Variants in DTHD1 observed in about 807,000 individuals in gnomAD.
DTHD1 encodes death domain containing 1.
Under a neutral mutation model 74.8 loss-of-function variants are expected in DTHD1, and 59 were observed. The observed-to-expected ratio is 0.79, with a 90% CI of 0.64 to 0.98. The LOEUF is 0.98. DTHD1 is among the 50% of genes least tolerant of loss of function. DTHD1 has a pLI of 0.00. For synonymous variants in DTHD1, 365 were observed against 371.1 expected (o/e 0.98, Z 0.19); for missense variants, 1,051 against 1,065.4 (o/e 0.99, Z 0.19).
rs397992934 is a variant in DTHD1, at chr4:36,318,612, CT to C, written c.2340+2146del. ...CTTCTGTGCATTTTCTTTTTCTTTT[CT>C]TTTTTTTTTTTTTTTTTTTGAGACG... On this transcript the variant is annotated intron_variant, in intron 8 of 9. Coordinates refer to ENST00000639862, the MANE Select transcript of DTHD1 (RefSeq NM_001170700.3). 7.7e-3 allele frequency among the ~76,000 whole-genome samples: 866 copies of C among 111,780 alleles called. 1 individual carries two copies. Among genetic ancestry groups the C allele is most frequent in the Middle Eastern group, 0.022 (4 of 184 alleles). 73.3% of individuals were successfully genotyped at this position (111,780 alleles called of 152,430 possible). A position where few individuals can be genotyped will look rare whatever the true frequency, so the allele number is the denominator to read the frequency against.
At chr4:36,327,242 C>A (rs566683479) in intron 8 of DTHD1, among the ~76,000 whole-genome samples, 1 of 152,166 alleles carries the variant, frequency 6.6e-6, no homozygotes, top group Non-Finnish European at 1.5e-5. Context: ...GCGGGGATTA[C>A]AGGTGTGAGC....
chr4:36,308,585 C>G, intron 7 of DTHD1, 92 bp downstream of exon 7: 2 of 1,048,338 alleles, frequency 1.9e-6, no homozygotes, highest in Non-Finnish European at 2.7e-6. Flanking sequence ...CTAAGGAAAC[C>G]TTCAGAGGAT....
intron 8 of DTHD1, among the ~76,000 whole-genome samples, chr4:36,321,819 T>A (rs1399101215): frequency 6.6e-6 from 1 of 152,146 alleles, no homozygotes; most frequent in African/African-American, 2.4e-5. Context: ...AGGCTCTGTG[T>A]GAACTTGGCC....
At chr4:36,308,084 G>A (rs58952219) in intron 6 of DTHD1, 120 bp from the exon 7 acceptor site, 1 of 995,472 alleles carries the variant, frequency 1.0e-6, no homozygotes, top group Admixed American at 2.9e-5. Context: ...TTGTCTTTGA[G>A]AATACTTGAT....
At chr4:36,306,416 T>C (rs1283875539) in intron 6 of DTHD1, 64 bp downstream of exon 6, 13 of 1,411,670 alleles carry the variant, frequency 9.2e-6, no homozygotes, top group East Asian at 5.1e-5. Flanking sequence ...CTGGTGTTTA[T>C]AGAAATGGAA....
At chr4:36,341,858 G>C (rs1038431866) in intron 9 of DTHD1, among the ~76,000 whole-genome samples, 1 of 152,160 alleles carries the variant, frequency 6.6e-6, no homozygotes, top group Non-Finnish European at 1.5e-5. Flanking sequence ...GGACACCAAG[G>C]GATCACTATA....
chr4:36,306,024 GGTTATATA>G (rs1316637421), intron 5 of DTHD1, among the ~76,000 whole-genome samples, 159 bp from the exon 6 acceptor site: 1 of 152,068 alleles, frequency 6.6e-6, no homozygotes, highest in African/African-American at 2.4e-5. Flanking sequence ...TTAGGGCAAG[GGTTATATA>G]GTTTGATCTC....
At chr4:36,333,780 T>C in intron 8 of DTHD1, 1 of 151,340 alleles carries the variant, frequency 6.6e-6, no homozygotes, top group Non-Finnish European at 1.5e-5. Flanking sequence ...ACAGAAGGAG[T>C]GTGGAGGGCT....
At chr4:36,292,789 T>C (rs1175283214) in intron 3 of DTHD1, among the ~76,000 whole-genome samples, 1 of 152,250 alleles carries the variant, frequency 6.6e-6, no homozygotes, top group Non-Finnish European at 1.5e-5. Context: ...TGGGGAAGTA[T>C]GAATAGACCA....
chr4:36,324,079 CT>C (rs911663134), intron 8 of DTHD1, among the ~76,000 whole-genome samples: 12 of 152,106 alleles, frequency 7.9e-5, no homozygotes, highest in Non-Finnish European at 1.3e-4. Flanking sequence ...ATCCTGTGTT[CT>C]TTTTTGGAAA....
intron 8 of DTHD1, among the ~76,000 whole-genome samples, chr4:36,332,455 C>A (rs755310664): frequency 3.3e-5 from 5 of 152,078 alleles, no homozygotes; most frequent in African/African-American, 9.7e-5. Flanking sequence ...TCATTCTTTG[C>A]GGCTGGGAAG....
At chr4:36,289,194 C>T (rs1031710781) in intron 2 of DTHD1, among the ~76,000 whole-genome samples, 1 of 152,062 alleles carries the variant, frequency 6.6e-6, no homozygotes, top group Admixed American at 6.6e-5. Flanking sequence ...TCCAGTATTT[C>T]AATCATTTCA....
rs1759540428 is a variant in DTHD1, at chr4:36,345,467, T to C, written c.*1643T>C. ...ATACCTAGGAATTAATTGAGTTATA[T>C]TACAAAATTAAATGTTTTAATCTCT... On this transcript the variant is annotated 3_prime_UTR_variant, in exon 10 of 10. Transcript: ENST00000639862. 6.6e-6 allele frequency: 1 copy of C among 152,190 alleles called. No individual in the cohort carries two copies. Among genetic ancestry groups the C allele is most frequent in the Non-Finnish European group, 1.5e-5 (1 of 68,032 alleles). 9.4% of individuals were successfully genotyped at this position (152,190 alleles called of 1,614,324 possible). A position where few individuals can be genotyped will look rare whatever the true frequency, so the allele number is the denominator to read the frequency against.
intron 5 of DTHD1, among the ~76,000 whole-genome samples, chr4:36,296,461 T>C (rs1560791479): frequency 1.3e-5 from 2 of 152,136 alleles, no homozygotes; most frequent in Non-Finnish European, 2.9e-5. Flanking sequence ...AGTAAAAATT[T>C]ATATGAAAGA....
At chr4:36,289,874 T>C (rs1345669067) in intron 2 of DTHD1, among the ~76,000 whole-genome samples, 1 of 152,052 alleles carries the variant, frequency 6.6e-6, no homozygotes, top group Non-Finnish European at 1.5e-5. Context: ...TTCTCAGCTT[T>C]TCTAAAAATA....
intron 8 of DTHD1, among the ~76,000 whole-genome samples, chr4:36,318,729 C>T (rs1434617731): frequency 6.6e-6 from 1 of 151,716 alleles, no homozygotes; most frequent in Non-Finnish European, 1.5e-5. Context: ...ATTCTCCTGC[C>T]TCAGCCTCCC....
chr4:36,323,783 C>T (rs1758174619), intron 8 of DTHD1, among the ~76,000 whole-genome samples: 1 of 152,062 alleles, frequency 6.6e-6, no homozygotes, highest in African/African-American at 2.4e-5. Flanking sequence ...GTCCCTTCCC[C>T]TATCAATTAC....
chr4:36,282,736 C>A (rs558514717), intron 1 of DTHD1, among the ~76,000 whole-genome samples: 180 of 152,140 alleles, frequency 1.2e-3, no homozygotes, highest in Non-Finnish European at 1.7e-3. Context: ...GATAAGTGGG[C>A]AGGTTCCATC....
At position 36,330,667 on chromosome 4, in the gene DTHD1, G is replaced by A. The variant is rs960432038; in HGVS notation, c.2341-8445G>A. Reference sequence around the variant, plus strand: ...TCATGACTAGTTTTGCCATATCCTAGCCATATTACCTTGGAGAAGTTATAT... The same window carrying A: ...TCATGACTAGTTTTGCCATATCCTAACCATATTACCTTGGAGAAGTTATAT... On this transcript the variant is annotated intron_variant, in intron 8 of 9. Coordinates refer to ENST00000639862, the MANE Select transcript of DTHD1 (RefSeq NM_001170700.3). 3.3e-5 allele frequency among the ~76,000 whole-genome samples: 5 copies of A among 152,042 alleles called. No individual in the cohort carries two copies. In the East Asian group the frequency reaches 7.7e-4, roughly 23 times the overall value.
Sources: allele counts gnomAD v4.1 joint callset (sites outside exome capture counted in the v4.1 genomes callset), GRCh38; gene constraint gnomAD v4.1.1; transcripts MANE v1.5; gene names NCBI Gene and HGNC (gene_info 2026-07-23, HGNC 2026-07-21).